The following DCAF6 variants were observed in gnomAD, a reference collection of about 807,000 sequenced individuals.
The protein encoded by DCAF6 is DDB1 and CUL4 associated factor 6.
In DCAF6, 54 loss-of-function variants were observed where a neutral mutation model predicts 125.1. The ratio of observed to expected loss-of-function variants is 0.43; its 90% CI spans 0.35 to 0.54. The LOEUF (loss-of-function observed/expected upper bound fraction) is 0.54. Ranked by LOEUF, DCAF6 falls within the 20% of genes least tolerant of loss-of-function variation. The pLI, the probability that DCAF6 is intolerant of heterozygous loss-of-function variation, is 0.01. For synonymous variants in DCAF6, 371 were observed against 390.4 expected (o/e 0.95, Z 0.58); for missense variants, 934 against 1,161.7 (o/e 0.80, Z 2.85).
At chr1:168,067,322 A>G (rs1692463205) in intron 20 of DCAF6, among the ~76,000 whole-genome samples, 2 of 152,236 alleles carry the variant, frequency 1.3e-5, no homozygotes, top group African/African-American at 4.8e-5. Flanking sequence ...GTTTAGTGGG[A>G]AAGACAATGT....
chr1:167,936,028 G>C (rs559971510), upstream of DCAF6: 1 of 604,668 alleles, frequency 1.7e-6, no homozygotes, highest in East Asian at 2.8e-5. Flanking sequence ...GCCCCGCGAA[G>C]GTTGAGGGGG....
intron 4 of DCAF6, among the ~76,000 whole-genome samples, chr1:167,977,861 C>T (rs1678490401): frequency 6.6e-6 from 1 of 152,182 alleles, no homozygotes; most frequent in South Asian, 2.1e-4. Context: ...CAAATCTATT[C>T]ATGTAACTAC....
At chr1:167,886,543 T>C in the DCAF6 span, among the ~76,000 whole-genome samples, 2 of 152,036 alleles carry the variant, frequency 1.3e-5, no homozygotes, top group African/African-American at 4.8e-5. Flanking sequence ...ATACAAAAAT[T>C]AATTCAAGAT....
At chr1:167,880,287 G>C in the DCAF6 span, 1 of 1,193,534 alleles carries the variant, frequency 8.4e-7, no homozygotes. Flanking sequence ...GGTTGGGAAA[G>C]GGTGGGAAAG....
chr1:168,009,481 C>T (rs376263682), intron 10 of DCAF6, among the ~76,000 whole-genome samples: 11 of 147,802 alleles, frequency 7.4e-5, no homozygotes, highest in African/African-American at 2.5e-4. Flanking sequence ...TCCCTCCCTC[C>T]CTTCCTTCAC....
At chr1:167,905,116 G>A in the DCAF6 span, 20 of 1,614,008 alleles carry the variant, frequency 1.2e-5, no homozygotes, top group East Asian at 4.5e-5. Context: ...GGCCAGTCCT[G>A]GAATTCTTCT....
intron 21 of DCAF6, 104 bp downstream of exon 21, chr1:168,068,567 A>G: frequency 1.9e-6 from 1 of 521,304 alleles, no homozygotes; most frequent in Non-Finnish European, 2.9e-6. Flanking sequence ...TAATATCACA[A>G]AATGAGGGTA....
At chr1:167,880,721 T>C in the DCAF6 span, 1 of 771,052 alleles carries the variant, frequency 1.3e-6, no homozygotes, top group Non-Finnish European at 2.3e-6. Flanking sequence ...GAATCAGATT[T>C]TATCATGATT....
chr1:167,936,671 T>C, upstream of DCAF6: 1 of 464,036 alleles, frequency 2.2e-6, no homozygotes, highest in Non-Finnish European at 3.9e-6. Context: ...GAGGAGACTG[T>C]TGCTGATCTT....
chr1:167,935,689 G>A (rs898935354), upstream of DCAF6: 9 of 1,495,490 alleles, frequency 6.0e-6, no homozygotes, highest in African/African-American at 1.4e-5. Context: ...TTTAGAGGAA[G>A]CGAGAAGGAA....
At position 167,995,298 on chromosome 1, in the gene DCAF6, T is replaced by C. The variant is rs189511051; in HGVS notation, c.903+1858T>C. ...AATCAGAGTGAATGAGGCTGAGTCA[T>C]GAACATTTTTTTTTCTGGGAGACTT... On this transcript the variant is annotated intron_variant, in intron 7 of 21. Coordinates refer to ENST00000367840, the MANE Select transcript of DCAF6 (RefSeq NM_001198956.2). Among the ~76,000 whole-genome samples, 10 of 152,326 alleles carry C rather than the reference T, an allele frequency of 6.6e-5. No homozygotes were observed. The East Asian group carries it at 1.7e-3, about 26-fold the overall frequency.
At chr1:168,071,918 A>C (rs932966484) in intron 21 of DCAF6, among the ~76,000 whole-genome samples, 1 of 152,166 alleles carries the variant, frequency 6.6e-6, no homozygotes, top group African/African-American at 2.4e-5. Context: ...TAGCACATTT[A>C]GGACCTTTTC....
At chr1:167,900,104 C>G in the DCAF6 span, among the ~76,000 whole-genome samples, 8 of 152,180 alleles carry the variant, frequency 5.3e-5, no homozygotes, top group African/African-American at 1.9e-4. Flanking sequence ...CCATTTCTCT[C>G]ATTGCTTTTA....
At chr1:167,896,741 T>C in the DCAF6 span, 1 of 1,273,920 alleles carries the variant, frequency 7.8e-7, no homozygotes, top group Non-Finnish European at 1.1e-6. Context: ...AACTGTTTAA[T>C]CCTTTGAAGT....
intron 7 of DCAF6, among the ~76,000 whole-genome samples, chr1:167,995,038 G>A (rs1681444632): frequency 6.6e-6 from 1 of 152,196 alleles, no homozygotes; most frequent in African/African-American, 2.4e-5. Flanking sequence ...GGAAATTGAT[G>A]AAGAAGGGTA....
At position 167,987,606 on chromosome 1, in the gene DCAF6, G is replaced by A. The variant is rs759973651; in HGVS notation, c.550G>A (p.Asp184Asn). 6.6e-7 allele frequency: 1 copy of A among 1,515,990 alleles called. No individual in the cohort carries two copies. Among genetic ancestry groups the A allele is most frequent in the East Asian group, 2.3e-5 (1 of 44,254 alleles). 93.9% of individuals were successfully genotyped at this position (1,515,990 alleles called of 1,614,324 possible). The change falls in exon 5 of 22, where the codon GAT becomes AAT. Residue 184 changes from aspartate to asparagine, a missense_variant and splice_region_variant. Physicochemically the swap from Asp to Asn is conservative, Grantham distance 23. This residue lies in a region of DCAF6 where 309 missense variants were observed against 381.2 expected (regional missense o/e 0.81). Coordinates refer to ENST00000367840, the MANE Select transcript of DCAF6 (RefSeq NM_001198956.2). ...TAGCTGCACAAAAGAAGATTGTAAA[G>A]ATGTAAGAATTAAATTTTTATACAA... ...KTSCTKEDCK[D>N]DILINCRRAA...
At chr1:168,010,267 T>C (rs1339820997) in intron 10 of DCAF6, among the ~76,000 whole-genome samples, 1 of 152,160 alleles carries the variant, frequency 6.6e-6, no homozygotes, top group Non-Finnish European at 1.5e-5. Flanking sequence ...TCTCATTATA[T>C]ATATATATAT....
At chr1:167,957,905 A>G (rs528451479) in intron 2 of DCAF6, among the ~76,000 whole-genome samples, 3 of 152,170 alleles carry the variant, frequency 2.0e-5, no homozygotes, top group South Asian at 4.2e-4. Flanking sequence ...GCATCTTTCT[A>G]TGTGCATATG....
chr1:167,994,868 T>C (rs1262859973), intron 7 of DCAF6, among the ~76,000 whole-genome samples: 1 of 152,200 alleles, frequency 6.6e-6, no homozygotes, highest in Non-Finnish European at 1.5e-5. Flanking sequence ...TAATACGTTT[T>C]AAAGGTTACT....
Sources: gnomAD v4.1 joint callset for allele counts (sites outside exome capture counted in the v4.1 genomes callset) on GRCh38, gnomAD v4.1.1 for gene constraint, gnomAD v4.1.1 regional missense constraint, MANE v1.5 for transcripts, NCBI Gene and HGNC (gene_info 2026-07-23, HGNC 2026-07-21) for gene names.